Variants in ANGPT1 observed in about 807,000 individuals in gnomAD.
The protein encoded by ANGPT1 is angiopoietin 1.
In ANGPT1, 17 loss-of-function variants were observed where a neutral mutation model predicts 62.2. That is an observed-to-expected ratio of 0.27 (90% CI 0.19 to 0.41). The LOEUF is 0.41. ANGPT1 is among the 10% of genes least tolerant of loss of function. The pLI, the probability that ANGPT1 is intolerant of heterozygous loss-of-function variation, is 1.00. For synonymous variants in ANGPT1, 199 were observed against 198.9 expected, an observed-to-expected ratio of 1.00 and a Z score of 0.00; for missense variants, 478 against 594.9, an observed-to-expected ratio of 0.80 and a Z score of 2.04.
intron 7 of ANGPT1, among the ~76,000 whole-genome samples, chr8:107,264,706 G>T (rs1054674504): frequency 6.6e-6 from 1 of 152,160 alleles, no homozygotes; most frequent in African/African-American, 2.4e-5. Flanking sequence ...TAATAGTGCA[G>T]ATGTACTAAA....
intron 7 of ANGPT1, among the ~76,000 whole-genome samples, chr8:107,281,956 C>T (rs1006326781): frequency 1.8e-4 from 27 of 151,826 alleles, no homozygotes; most frequent in African/African-American, 6.3e-4. Context: ...ACAAAAAGCA[C>T]ATGAGGCAGT....
At position 107,360,465 on chromosome 8, in the gene ANGPT1, T is replaced by A. The variant is rs995875854; in HGVS notation, c.298-13368A>T. ...GATGCCCGGGTCACTCTCTTTCCGC[T>A]TTATTCAGCCCCATGTTCTTGGTTA... is the stretch of plus-strand genomic sequence containing the variant. On this transcript the variant is annotated intron_variant, in intron 1 of 8. Transcript: ENST00000517746. Among the ~76,000 whole-genome samples the A allele has an allele frequency of 3.3e-5, 5 of 152,164 alleles. No individual in the cohort carries two copies. In the South Asian group the frequency reaches 1.0e-3, roughly 32 times the overall value.
At chr8:107,483,233 C>T (rs1444030585) in intron 1 of ANGPT1, among the ~76,000 whole-genome samples, 1 of 152,076 alleles carries the variant, frequency 6.6e-6, no homozygotes, top group East Asian at 1.9e-4. Flanking sequence ...TTTGTGAACT[C>T]AAAGTATGTA....
At chr8:107,291,452 G>T (rs1008063163) in intron 6 of ANGPT1, among the ~76,000 whole-genome samples, 1 of 151,898 alleles carries the variant, frequency 6.6e-6, no homozygotes, top group Non-Finnish European at 1.5e-5. Flanking sequence ...TTTCTCGGTC[G>T]CTAGGCTGGA....
intron 1 of ANGPT1, among the ~76,000 whole-genome samples, chr8:107,385,609 G>A (rs1265376563): frequency 6.6e-6 from 1 of 151,934 alleles, no homozygotes; most frequent in South Asian, 2.1e-4. Flanking sequence ...CTTCCTGTTA[G>A]CATGCCTTTT....
At chr8:107,351,385 C>T (rs1336109249) in intron 1 of ANGPT1, among the ~76,000 whole-genome samples, 2 of 151,988 alleles carry the variant, frequency 1.3e-5, no homozygotes, top group African/African-American at 2.4e-5. Context: ...TCAGTGACTT[C>T]ATAGAAATCA....
chr8:107,496,708 C>A (rs759742712), intron 1 of ANGPT1, among the ~76,000 whole-genome samples: 17 of 152,008 alleles, frequency 1.1e-4, no homozygotes, highest in Non-Finnish European at 2.1e-4. Flanking sequence ...TACTATTCTA[C>A]CACTTGCTGA....
At chr8:107,365,378 C>T (rs904788744) in intron 1 of ANGPT1, among the ~76,000 whole-genome samples, 1 of 152,084 alleles carries the variant, frequency 6.6e-6, no homozygotes, top group Non-Finnish European at 1.5e-5. Flanking sequence ...TTTCATAAAC[C>T]TCAGGGGCTT....
chr8:107,386,870 G>A (rs897768329), intron 1 of ANGPT1, among the ~76,000 whole-genome samples: 2 of 151,946 alleles, frequency 1.3e-5, no homozygotes, highest in African/African-American at 4.8e-5. Flanking sequence ...TTCTCTTTTG[G>A]AATTAATATA....
intron 1 of ANGPT1, among the ~76,000 whole-genome samples, chr8:107,477,226 C>A (rs1337373950): frequency 6.6e-6 from 1 of 152,138 alleles, no homozygotes; most frequent in African/African-American, 2.4e-5. Flanking sequence ...TGTCCATTCA[C>A]CTCTCCATCC....
intron 7 of ANGPT1, among the ~76,000 whole-genome samples, chr8:107,266,940 AAAG>A (rs1488868708): frequency 1.3e-5 from 2 of 152,156 alleles, no homozygotes; most frequent in Admixed American, 6.6e-5. Context: ...AGAAAAGCAA[AAAG>A]AAGAAATAAA....
intron 1 of ANGPT1, among the ~76,000 whole-genome samples, chr8:107,493,976 T>A (rs1813030594): frequency 6.6e-6 from 1 of 150,644 alleles, no homozygotes; most frequent in Non-Finnish European, 1.5e-5. Flanking sequence ...CAGTAAAATC[T>A]TTGTATTTCT....
At chr8:107,475,607 C>T (rs1022235331) in intron 1 of ANGPT1, among the ~76,000 whole-genome samples, 1 of 152,192 alleles carries the variant, frequency 6.6e-6, no homozygotes, top group Non-Finnish European at 1.5e-5. Flanking sequence ...AAACAAACAG[C>T]TTCTGCACAG....
At chr8:107,362,295 T>C (rs1033879398) in intron 1 of ANGPT1, among the ~76,000 whole-genome samples, 3 of 152,284 alleles carry the variant, frequency 2.0e-5, no homozygotes, top group Admixed American at 6.5e-5. Flanking sequence ...TAAACAGATA[T>C]CATTATAATT....
chr8:107,281,932 C>G (rs1056255525), intron 7 of ANGPT1, among the ~76,000 whole-genome samples: 2 of 151,632 alleles, frequency 1.3e-5, no homozygotes, highest in Non-Finnish European at 2.9e-5. Flanking sequence ...TTCAGAGGGA[C>G]GAGACATGAA....
intron 1 of ANGPT1, among the ~76,000 whole-genome samples, chr8:107,361,272 T>G (rs905905983): frequency 2.0e-5 from 3 of 151,928 alleles, no homozygotes; most frequent in Admixed American, 2.0e-4. Flanking sequence ...TGGGAAATAG[T>G]GTTTTCTTCT....
At chr8:107,398,781 A>G (rs2130323871) in intron 1 of ANGPT1, among the ~76,000 whole-genome samples, 1 of 152,304 alleles carries the variant, frequency 6.6e-6, no homozygotes. Flanking sequence ...ATGGTAAAAC[A>G]AGGAAAGATT....
chr8:107,383,393 G>C (rs1422235071), intron 1 of ANGPT1, among the ~76,000 whole-genome samples: 1 of 152,156 alleles, frequency 6.6e-6, no homozygotes, highest in Non-Finnish European at 1.5e-5. Flanking sequence ...CTTACAAACT[G>C]AGCAAACATA....
At chr8:107,310,953 GTA>G (rs1554581283) in intron 4 of ANGPT1, among the ~76,000 whole-genome samples, 12 of 77,856 alleles carry the variant, frequency 1.5e-4, no homozygotes, top group East Asian at 5.4e-4. Context: ...GTGTGTGTAT[GTA>G]TGTGTGTGTG....
Sources: gnomAD v4.1 joint callset for allele counts (sites outside exome capture counted in the v4.1 genomes callset) on GRCh38, gnomAD v4.1.1 for gene constraint, MANE v1.5 for transcripts, NCBI Gene and HGNC (gene_info 2026-07-23, HGNC 2026-07-21) for gene names.